SETBP1: variants seen among roughly 807,000 people sequenced by gnomAD.
The protein encoded by SETBP1 is SET binding protein 1.
A neutral mutation model predicts 101.0 loss-of-function variants in SETBP1; 9 were observed. That is an observed-to-expected ratio of 0.09 (90% CI 0.05 to 0.16). SETBP1 has a LOEUF of 0.16. SETBP1 is among the 10% of genes least tolerant of loss of function. The pLI is 1.00. For synonymous variants in SETBP1, 818 were observed against 788.5 expected (o/e 1.04, Z -0.63); for missense variants, 1,858 against 2,033.8 (o/e 0.91, Z 1.66).
intron 3 of SETBP1, among the ~76,000 whole-genome samples, chr18:44,928,077 C>T (rs999268898): frequency 3.3e-5 from 5 of 152,114 alleles, no homozygotes; most frequent in South Asian, 2.1e-4. Context: ...CTATCCCTCA[C>T]GCCTCACCCC....
At chr18:44,723,408 GA>G (rs2069641513) in intron 2 of SETBP1, among the ~76,000 whole-genome samples, 1 of 152,170 alleles carries the variant, frequency 6.6e-6, no homozygotes, top group Admixed American at 6.5e-5. Context: ...AAGATCATCA[GA>G]GCTGTCTTCC....
intron 2 of SETBP1, chr18:44,732,455 A>G (rs1186796070): frequency 6.6e-6 from 1 of 152,218 alleles, no homozygotes; most frequent in East Asian, 1.9e-4. Flanking sequence ...CGGATATATA[A>G]GTGAAGACGT....
At chr18:44,717,109 C>T (rs1293045295) in intron 2 of SETBP1, among the ~76,000 whole-genome samples, 1 of 152,176 alleles carries the variant, frequency 6.6e-6, no homozygotes, top group Non-Finnish European at 1.5e-5. Context: ...GTCTCAGAGG[C>T]AGCCAGGAGG....
chr18:44,788,086 A>G (rs989138047), intron 2 of SETBP1, among the ~76,000 whole-genome samples: 1 of 151,410 alleles, frequency 6.6e-6, no homozygotes, highest in African/African-American at 2.4e-5. Context: ...AATGTCCCAG[A>G]TGTTAGGTGG....
chr18:44,778,639 G>A (rs117707613), intron 2 of SETBP1, among the ~76,000 whole-genome samples: 3 of 152,320 alleles, frequency 2.0e-5, no homozygotes, highest in Non-Finnish European at 4.4e-5. Context: ...TTTCCACTAA[G>A]TGACTCTTTT....
intron 2 of SETBP1, among the ~76,000 whole-genome samples, chr18:44,780,740 C>A (rs1206811738): frequency 1.3e-5 from 2 of 152,158 alleles, no homozygotes; most frequent in Non-Finnish European, 2.9e-5. Context: ...GGAATAGAGA[C>A]CTTAACAAGG....
At chr18:45,052,983 G>A (rs1218356136) in intron 5 of SETBP1, among the ~76,000 whole-genome samples, 1 of 152,158 alleles carries the variant, frequency 6.6e-6, no homozygotes, top group Non-Finnish European at 1.5e-5. Flanking sequence ...ATTAAACTTT[G>A]CAGATTTAAA....
chr18:44,761,337 C>G (rs1036758278), intron 2 of SETBP1, among the ~76,000 whole-genome samples: 1 of 152,124 alleles, frequency 6.6e-6, no homozygotes, highest in African/African-American at 2.4e-5. Flanking sequence ...CTATAATCAC[C>G]CTACAGTGTA....
chr18:44,867,390 A>T (rs1292025493), intron 2 of SETBP1, among the ~76,000 whole-genome samples: 1 of 152,118 alleles, frequency 6.6e-6, no homozygotes, highest in Non-Finnish European at 1.5e-5. Context: ...CCACCTTTCC[A>T]TGTGAAATCA....
intron 2 of SETBP1, among the ~76,000 whole-genome samples, chr18:44,758,739 T>C (rs72907655): frequency 0.012 from 1,854 of 152,344 alleles, 34 homozygotes; most frequent in Admixed American, 0.038. Flanking sequence ...AATGAACCAT[T>C]GCATGTCCTT....
chr18:44,835,235 C>T lies in SETBP1; in HGVS notation c.487-33995C>T, dbSNP rs904992316. ...CAGCTCTCCCTGGGGCCACTCCCCT[C>T]CAAGGGAGGGGCTCTACAGCTCTTG... On this transcript the variant is annotated intron_variant, in intron 2 of 5. Coordinates refer to ENST00000649279, the MANE Select transcript of SETBP1 (RefSeq NM_015559.3). 2.0e-5 allele frequency among the ~76,000 whole-genome samples: 3 copies of T among 152,106 alleles called. No individual in the cohort carries two copies. In the South Asian group the frequency reaches 6.2e-4, roughly 32 times the overall value.
rs2072945730 is a variant in SETBP1, at chr18:45,016,545, C to G, written c.4001-21940C>G. On this transcript the variant is annotated intron_variant, in intron 4 of 5. Coordinates refer to ENST00000649279, the MANE Select transcript of SETBP1 (RefSeq NM_015559.3). ...AGCCTGATGTTGTTTACTTCTTCTC[C>G]CAATCTCTCCAAGGAATATGATTCA... Among the ~76,000 whole-genome samples, 12 of 152,232 alleles carry G rather than the reference C, an allele frequency of 7.9e-5. 1 individual carries two copies. In the South Asian group the frequency reaches 2.5e-3, roughly 32 times the overall value.
intron 4 of SETBP1, among the ~76,000 whole-genome samples, chr18:44,991,614 T>G (rs1381363821): frequency 6.6e-6 from 1 of 152,210 alleles, no homozygotes; most frequent in African/African-American, 2.4e-5. Flanking sequence ...TTTCTACTTA[T>G]ATGTGCATAA....
intron 4 of SETBP1, among the ~76,000 whole-genome samples, chr18:45,021,284 T>G (rs1196880089): frequency 6.6e-6 from 1 of 152,220 alleles, no homozygotes; most frequent in East Asian, 1.9e-4. Flanking sequence ...CTATCATCTA[T>G]TTTGACTATT....
chr18:44,980,385 A>G (rs2072085638), intron 4 of SETBP1, among the ~76,000 whole-genome samples: 1 of 152,160 alleles, frequency 6.6e-6, no homozygotes, highest in Admixed American at 6.5e-5. Flanking sequence ...TATGTATTAT[A>G]AGAGCCAATT....
intron 5 of SETBP1, among the ~76,000 whole-genome samples, chr18:45,049,059 G>A (rs1457247322): frequency 1.3e-5 from 2 of 150,656 alleles, no homozygotes; most frequent in African/African-American, 4.9e-5. Flanking sequence ...GGGAAGGCCT[G>A]CCTCCAAAAC....
chr18:44,832,425 CTCTCTGACCACTG>C (rs1275408901), intron 2 of SETBP1, among the ~76,000 whole-genome samples: 1 of 152,204 alleles, frequency 6.6e-6, no homozygotes, highest in Non-Finnish European at 1.5e-5. Flanking sequence ...ATGCCCCTGG[CTCTCTGACCACTG>C]TCTCAGAAAC....
At chr18:44,981,470 T>C (rs2072111634) in intron 4 of SETBP1, among the ~76,000 whole-genome samples, 1 of 152,258 alleles carries the variant, frequency 6.6e-6, no homozygotes, top group African/African-American at 2.4e-5. Flanking sequence ...CTTATTTATT[T>C]CATGACAAGG....
At chr18:44,872,540 T>G (rs1159849325) in intron 3 of SETBP1, among the ~76,000 whole-genome samples, 1 of 152,264 alleles carries the variant, frequency 6.6e-6, no homozygotes, top group East Asian at 1.9e-4. Context: ...CCCCTCTTGC[T>G]GGACAACCCA....
Sources: gnomAD v4.1 joint callset for allele counts (sites outside exome capture counted in the v4.1 genomes callset) on GRCh38, gnomAD v4.1.1 for gene constraint, MANE v1.5 for transcripts, NCBI Gene and HGNC (gene_info 2026-07-23, HGNC 2026-07-21) for gene names.